The following BLTP2 variants were observed in gnomAD, a reference collection of about 807,000 sequenced individuals.
The protein encoded by BLTP2 is U937-associated antigen.
the BLTP2 span, chr17:28,643,550 C>T: frequency 1.9e-6 from 3 of 1,542,146 alleles, no homozygotes; most frequent in African/African-American, 1.4e-5. Flanking sequence ...GAGTGTCACT[C>T]TGCAAACACC....
the BLTP2 span, chr17:28,642,340 G>A: frequency 2.5e-6 from 4 of 1,614,082 alleles, no homozygotes; most frequent in Non-Finnish European, 3.4e-6. Context: ...ATTAGCCTGG[G>A]AAAGGAAAAA....
the BLTP2 span, among the ~76,000 whole-genome samples, chr17:28,625,055 G>T: frequency 5.9e-5 from 9 of 152,076 alleles, no homozygotes; most frequent in Admixed American, 1.3e-4. Context: ...AAGTTTAACG[G>T]GGCCAGGCGC....
the BLTP2 span, among the ~76,000 whole-genome samples, chr17:28,630,281 C>T: frequency 4.6e-5 from 7 of 152,058 alleles, no homozygotes; most frequent in South Asian, 4.2e-4. Context: ...CTCAGCCTCC[C>T]GAGTAGCTGG....
the BLTP2 span, chr17:28,621,208 C>T: frequency 1.1e-5 from 18 of 1,591,250 alleles, no homozygotes; most frequent in Non-Finnish European, 1.5e-5. Context: ...AAAAGACATT[C>T]TCAATAAAGA....
chr17:28,637,608 G>A, the BLTP2 span, among the ~76,000 whole-genome samples: 1 of 152,192 alleles, frequency 6.6e-6, no homozygotes, highest in Non-Finnish European at 1.5e-5. Flanking sequence ...TAAATGAGGA[G>A]CAGACTAAAC....
At chr17:28,636,910 G>T in the BLTP2 span, 3 of 1,333,458 alleles carry the variant, frequency 2.2e-6, no homozygotes, top group Non-Finnish European at 3.2e-6. Context: ...GACAGAGAAA[G>T]GCTCTAAGCT....
At chr17:28,640,173 T>C in the BLTP2 span, 2 of 816,718 alleles carry the variant, frequency 2.4e-6, no homozygotes, top group Non-Finnish European at 3.7e-6. Flanking sequence ...GGCAGGGGGA[T>C]CACGAGGTCA....
the BLTP2 span, chr17:28,624,026 T>A: frequency 1.3e-6 from 2 of 1,503,012 alleles, no homozygotes; most frequent in Non-Finnish European, 1.8e-6. Context: ...GTGAGCACAT[T>A]GTATCAACCA....
At chr17:28,617,232 C>CT in the BLTP2 span, 4 of 1,613,276 alleles carry the variant, frequency 2.5e-6, no homozygotes, top group Non-Finnish European at 3.4e-6. Context: ...AAAGACTTGC[C>CT]TTATAGACAG....
the BLTP2 span, among the ~76,000 whole-genome samples, chr17:28,627,460 G>A: frequency 6.6e-6 from 1 of 151,334 alleles, no homozygotes; most frequent in Non-Finnish European, 1.5e-5. Context: ...AGGCTGGAGT[G>A]CAGTGGTGCG....
the BLTP2 span, chr17:28,643,168 C>T: frequency 6.6e-5 from 107 of 1,614,072 alleles, no homozygotes; most frequent in Non-Finnish European, 8.3e-5. Flanking sequence ...TCTCACTTGG[C>T]AGAAGATCTT....
chr17:28,632,041 T>G, the BLTP2 span: 2 of 1,611,776 alleles, frequency 1.2e-6, no homozygotes, highest in Non-Finnish European at 1.7e-6. Context: ...GGGACATCAG[T>G]GCCTTACCTG....
the BLTP2 span, among the ~76,000 whole-genome samples, chr17:28,627,096 A>C: frequency 7.9e-5 from 12 of 152,296 alleles, no homozygotes; most frequent in South Asian, 8.3e-4. Flanking sequence ...TGCAGAATTA[A>C]TTGCTTGCTT....
At chr17:28,637,003 G>T in the BLTP2 span, 1 of 1,614,182 alleles carries the variant, frequency 6.2e-7, no homozygotes, top group Non-Finnish European at 8.5e-7. Flanking sequence ...GTGATGGAGA[G>T]CATGGAAAGG....
At chr17:28,636,960 A>G in the BLTP2 span, 1 of 1,613,042 alleles carries the variant, frequency 6.2e-7, no homozygotes, top group African/African-American at 1.3e-5. Context: ...CCACAGGAAC[A>G]TTACCTCCAG....
At chr17:28,619,796 C>CT in the BLTP2 span, 1 of 1,614,066 alleles carries the variant, frequency 6.2e-7, no homozygotes. Flanking sequence ...AGGATAGAAA[C>CT]TGAGAGACCG....
At chr17:28,619,749 C>A in the BLTP2 span, 10 of 1,613,880 alleles carry the variant, frequency 6.2e-6, no homozygotes, top group South Asian at 1.1e-4. Context: ...CAAGCAGATT[C>A]TCATTCTTGC....
the BLTP2 span, chr17:28,638,320 G>A: frequency 1.1e-5 from 17 of 1,613,828 alleles, no homozygotes; most frequent in East Asian, 2.2e-5. Flanking sequence ...TGTGGCGCCC[G>A]CTGAATGTGG....
At chr17:28,634,845 T>C in the BLTP2 span, 1 of 1,613,770 alleles carries the variant, frequency 6.2e-7, no homozygotes, top group East Asian at 2.2e-5. Flanking sequence ...GGGCGGCCAC[T>C]TTAGCATCCA....
Sources: allele counts gnomAD v4.1 joint callset (sites outside exome capture counted in the v4.1 genomes callset), GRCh38; gene constraint gnomAD v4.1.1; transcripts MANE v1.5; gene names NCBI Gene and HGNC (gene_info 2026-07-23, HGNC 2026-07-21).